The following FAM217B variants were observed in gnomAD, a reference collection of about 807,000 sequenced individuals.
FAM217B encodes family with sequence similarity 217 member B, also known as protein FAM217B.
For synonymous variants in FAM217B, 163 were observed against 173.0 expected, an observed-to-expected ratio of 0.94 and a Z score of 0.45; for missense variants, 463 against 456.9, an observed-to-expected ratio of 1.01 and a Z score of -0.12.
chr20:59,947,897 A>C lies in FAM217B; in HGVS notation c.*2802A>C, dbSNP rs979593907. ...AGAAAGTTGAATCATGAACTCATTCAATTCATCAAGTCAAAAGCACTGAGT... is the reference window on the plus strand; with the variant it reads ...AGAAAGTTGAATCATGAACTCATTCCATTCATCAAGTCAAAAGCACTGAGT... On this transcript the variant is annotated 3_prime_UTR_variant, in exon 4 of 4. Transcript: ENST00000360816. 1.2e-5 allele frequency: 2 copies of C among 167,066 alleles called. No individual in the cohort carries two copies. The highest frequency in any genetic ancestry group is 4.8e-5 in the African/African-American group (2 of 41,452). The allele number at this position is 167,066 out of a possible 1,614,324, so 10.3% of individuals were successfully genotyped here.
chr20:59,944,941 T>C lies in FAM217B; in HGVS notation c.998T>C (p.Leu333Pro). The C allele has an allele frequency of 6.2e-7, 1 of 1,614,214 alleles. No individual in the cohort carries two copies. The change falls in exon 4 of 4, where the codon CTG becomes CCG. Residue 333 changes from leucine to proline, a missense_variant. Transcript: ENST00000360816. The stretch of plus-strand genomic sequence containing the variant: ...GTTCCCAAACAGGCAGCTGTGATTC[T>C]GGACTCAGCAGATTCCTGTAAGGCC... ...IRVPKQAAVI[L>P]DSADSCKASK...
At chr20:59,939,727 G>GGAT, upstream of FAM217B, 1 of 1,280,182 alleles carries the variant, frequency 7.8e-7, no homozygotes, top group South Asian at 2.7e-5. Context: ...GCCCGCCGCA[G>GGAT]GATGATGGGC....
chr20:59,940,575 C>T (rs763424252), intron 1 of FAM217B, 40 bp downstream of exon 1: 1 of 152,308 alleles, frequency 6.6e-6, no homozygotes, highest in Non-Finnish European at 1.5e-5. Flanking sequence ...GGATTGCGCG[C>T]CTATCGATCA....
rs377489576 is a variant in FAM217B, at chr20:59,944,402, G to A, written c.459G>A (p.Trp153Ter). 6.2e-7 allele frequency: 1 copy of A among 1,613,874 alleles called. No individual in the cohort carries two copies. Among genetic ancestry groups the A allele is most frequent in the South Asian group, 1.1e-5 (1 of 91,052 alleles). The change falls in exon 4 of 4, where the codon TGG becomes TGA. Residue 153 changes from tryptophan to a stop codon, truncating the protein, a stop_gained. Transcript: ENST00000360816. LOFTEE classifies it low-confidence loss of function (END_TRUNC). The stretch of plus-strand genomic sequence containing the variant: ...TCCTTCCATCCCCTTTCAGCTCCTG[G>A]GACCTACGAGATATGGCCCTGCTTC... ...PNFLPSPFSS[W>*]DLRDMALLLN...
upstream of FAM217B, chr20:59,938,398 G>C (rs2060874624): frequency 6.6e-6 from 1 of 152,224 alleles, no homozygotes; most frequent in Non-Finnish European, 1.5e-5. Flanking sequence ...TGTGATGACT[G>C]ATAAAGCAGA....
At chr20:59,943,585 C>T (rs935906103) in intron 3 of FAM217B, among the ~76,000 whole-genome samples, 5 of 151,676 alleles carry the variant, frequency 3.3e-5, no homozygotes, top group Admixed American at 6.6e-5. Flanking sequence ...CAGAGTTCTA[C>T]GACTGATTTT....
intron 1 of FAM217B, among the ~76,000 whole-genome samples, chr20:59,941,733 T>C (rs1983692): frequency 0.039 from 6,008 of 152,314 alleles, 368 homozygotes; most frequent in African/African-American, 0.13. Flanking sequence ...AAGCTCCTTC[T>C]GAACAGGGAC....
upstream of FAM217B, chr20:59,939,470 G>A (rs1242950654): frequency 1.2e-6 from 2 of 1,612,098 alleles, no homozygotes; most frequent in African/African-American, 1.3e-5. Flanking sequence ...CGGGCACCAG[G>A]CAATGCAGGG....
upstream of FAM217B, chr20:59,939,731 G>A (rs762410749): frequency 1.7e-5 from 21 of 1,255,770 alleles, 1 homozygote; most frequent in South Asian, 4.1e-4. Context: ...GCCGCAGGAT[G>A]ATGGGCCGCA....
Position 59,944,649 on chromosome 20 carries a change from C to G in FAM217B, c.706C>G (p.Pro236Ala). Residue 236 changes from proline to alanine, a missense_variant, in exon 4 of 4, where the codon CCT becomes GCT. Transcript: ENST00000360816. ...TGCTAGTGCTCTGTCCAAGCCACTACCTCACCAGGAAGGGGCTTCAAAGTC... is the reference window on the plus strand; with the variant it reads ...TGCTAGTGCTCTGTCCAAGCCACTAGCTCACCAGGAAGGGGCTTCAAAGTC... ...LIASALSKPL[P>A]HQEGASKSGP... 6.2e-7 allele frequency: 1 copy of G among 1,614,108 alleles called. No individual in the cohort carries two copies. The highest frequency in any genetic ancestry group is 8.5e-7 in the Non-Finnish European group (1 of 1,180,014).
upstream of FAM217B, chr20:59,939,223 T>A (rs751181284): frequency 6.8e-6 from 11 of 1,610,608 alleles, no homozygotes; most frequent in East Asian, 2.2e-5. Context: ...AAGCCGAAGG[T>A]GAAAACGTCC....
In FAM217B at chr20:59,944,384, A is replaced by G; in HGVS notation, c.441A>G (p.Pro147=). 1 of 1,614,072 alleles carries G rather than the reference A, an allele frequency of 6.2e-7. No homozygotes were observed. The highest frequency in any genetic ancestry group is 8.5e-7 in the Non-Finnish European group (1 of 1,180,022). The change falls in exon 4 of 4, where the codon CCA becomes CCG. Residue 147 remains proline, a synonymous_variant. Coordinates refer to ENST00000360816, the MANE Select transcript of FAM217B (RefSeq NM_022106.3). ...AATACTATTATCCTAATTTCCTTCC[A>G]TCCCCTTTCAGCTCCTGGGACCTAC... ...KPEYYYPNFL[P]SPFSSWDLRD...
Position 59,948,234 on chromosome 20 carries a change from A to C in FAM217B, c.*3139A>C, listed in dbSNP as rs1288517266. On this transcript the variant is annotated 3_prime_UTR_variant, in exon 4 of 4. Coordinates refer to ENST00000360816, the MANE Select transcript of FAM217B (RefSeq NM_022106.3). ...CTGAAGACTTGTAACTAACTTGAAT[A>C]GGATAGACTTCATACCCTGTGACAA... 1 of 167,076 alleles carries C rather than the reference A, an allele frequency of 6.0e-6. No homozygotes were observed. The highest frequency in any genetic ancestry group is 1.5e-5 in the Non-Finnish European group (1 of 68,120). 10.3% of individuals were successfully genotyped at this position (167,076 alleles called of 1,614,324 possible).
At position 59,943,937 on chromosome 20, in the gene FAM217B, C is replaced by T. The variant is rs765307986; in HGVS notation, c.-4-3C>T. 2.5e-6 allele frequency: 4 copies of T among 1,580,750 alleles called. No homozygotes were observed. The highest frequency in any genetic ancestry group is 1.9e-5 in the Admixed American group (1 of 52,996). On this transcript the variant is annotated splice_region_variant and splice_polypyrimidine_tract_variant and intron_variant, in intron 3 of 3. Transcript: ENST00000360816. ...TAAGAATTGCAGTTTTATTTTCTCA[C>T]AGCAATATGAATGCTGGCCCATCTT...
upstream of FAM217B, chr20:59,939,761 C>CGGCGCT (rs1036496690): frequency 6.6e-6 from 8 of 1,220,906 alleles, no homozygotes; most frequent in Non-Finnish European, 7.1e-6. Flanking sequence ...CGCAGCCCGA[C>CGGCGCT]GGCGCTGGCG....
chr20:59,943,038 C>T (rs929409423), intron 3 of FAM217B, among the ~76,000 whole-genome samples: 45 of 152,194 alleles, frequency 3.0e-4, no homozygotes, highest in Admixed American at 2.0e-3. Flanking sequence ...TTCCAGAAAG[C>T]ATGTTTACCA....
chr20:59,942,356 T>A (rs1346808361), intron 2 of FAM217B, 47 bp downstream of exon 2: 1 of 152,188 alleles, frequency 6.6e-6, no homozygotes. Context: ...TATTCTGGGA[T>A]TTTTGTTTGT....
Position 59,945,230 on chromosome 20 carries a change from C to T in FAM217B, c.*135C>T. 2.7e-6 allele frequency: 2 copies of T among 751,552 alleles called. No homozygotes were observed. Among genetic ancestry groups the T allele is most frequent in the East Asian group, 2.8e-5 (1 of 35,770 alleles). 46.6% of individuals were successfully genotyped at this position (751,552 alleles called of 1,614,324 possible). On this transcript the variant is annotated 3_prime_UTR_variant, in exon 4 of 4. Transcript: ENST00000360816. ...GTAGTTGACTGGCATTTTTGTCCACCTTTATTTCTACCCTGAGTGGGGTTA... is the reference window on the plus strand; with the variant it reads ...GTAGTTGACTGGCATTTTTGTCCACTTTTATTTCTACCCTGAGTGGGGTTA...
Position 59,944,061 on chromosome 20 carries a change from G to A in FAM217B, c.118G>A (p.Val40Ile). 6.2e-7 allele frequency: 1 copy of A among 1,614,140 alleles called. No individual in the cohort carries two copies. The highest frequency in any genetic ancestry group is 8.5e-7 in the Non-Finnish European group (1 of 1,180,014). The change falls in exon 4 of 4, where the codon GTC becomes ATC. Residue 40 changes from valine (V) to isoleucine (I), a missense_variant. Transcript: ENST00000360816. ...SSQPRSSLTA[V>I]TQPTEEKLKE... ...CCAGCCGAGAAGCAGCCTCACAGCT[G>A]TCACCCAGCCTACTGAAGAAAAACT...
Sources: gnomAD v4.1 joint callset for allele counts (sites outside exome capture counted in the v4.1 genomes callset) on GRCh38, gnomAD v4.1.1 for gene constraint, MANE v1.5 for transcripts, NCBI Gene and HGNC (gene_info 2026-07-23, HGNC 2026-07-21) for gene names.